Variants in CHCHD3 observed in about 807,000 individuals in gnomAD.
CHCHD3 encodes the protein MICOS complex subunit MIC19.
In CHCHD3, 20 loss-of-function variants were observed where a neutral mutation model predicts 38.2. That is an observed-to-expected ratio of 0.52 (90% CI 0.37 to 0.76). CHCHD3 has a LOEUF of 0.76. CHCHD3 is among the 30% of genes least tolerant of loss of function. CHCHD3 has a pLI of 0.00. For missense variants in CHCHD3, 245 were observed against 279.2 expected, an observed-to-expected ratio of 0.88 and a Z score of 0.87; for synonymous variants, 82 against 100.0, an observed-to-expected ratio of 0.82 and a Z score of 1.07.
At chr7:132,966,000 G>C (rs1811455460) in intron 4 of CHCHD3, among the ~76,000 whole-genome samples, 1 of 152,146 alleles carries the variant, frequency 6.6e-6, no homozygotes, top group Non-Finnish European at 1.5e-5. Flanking sequence ...TAAATTATTG[G>C]TGCTGATCAT....
chr7:132,981,488 C>T (rs1317532282), intron 3 of CHCHD3, among the ~76,000 whole-genome samples: 1 of 152,186 alleles, frequency 6.6e-6, no homozygotes, highest in African/African-American at 2.4e-5. Flanking sequence ...TTAAATCTTA[C>T]ATTATTCACG....
intron 2 of CHCHD3, among the ~76,000 whole-genome samples, chr7:133,030,560 A>G (rs1813473693): frequency 6.6e-6 from 1 of 152,248 alleles, no homozygotes. Flanking sequence ...TTCAAGCAAT[A>G]TAAATCCCAT....
intron 3 of CHCHD3, among the ~76,000 whole-genome samples, chr7:133,007,954 A>C (rs1188608863): frequency 1.3e-5 from 2 of 152,248 alleles, no homozygotes; most frequent in African/African-American, 4.8e-5. Context: ...CATTTACAGG[A>C]TAACCTTTCC....
At chr7:132,951,340 G>A (rs935441405) in intron 4 of CHCHD3, among the ~76,000 whole-genome samples, 3 of 152,174 alleles carry the variant, frequency 2.0e-5, no homozygotes, top group African/African-American at 7.2e-5. Context: ...AGGGGTGCAA[G>A]GAGAAGGGAA....
intron 6 of CHCHD3, among the ~76,000 whole-genome samples, chr7:132,823,740 T>A (rs1807439930): frequency 6.6e-6 from 1 of 152,194 alleles, no homozygotes; most frequent in African/African-American, 2.4e-5. Context: ...AAATTAGACA[T>A]CCAGATAAAA....
intron 4 of CHCHD3, among the ~76,000 whole-genome samples, chr7:132,916,043 C>G (rs959410062): frequency 1.3e-5 from 2 of 151,364 alleles, no homozygotes; most frequent in Admixed American, 6.6e-5. Flanking sequence ...GTTCAGCAAA[C>G]GACTATGCCT....
chr7:132,910,803 A>G (rs1809928194), intron 4 of CHCHD3, among the ~76,000 whole-genome samples: 1 of 152,198 alleles, frequency 6.6e-6, no homozygotes, highest in African/African-American at 2.4e-5. Flanking sequence ...TTGCTCAGCC[A>G]GCACTGTCTT....
intron 5 of CHCHD3, among the ~76,000 whole-genome samples, chr7:132,879,925 A>G (rs1355353247): frequency 6.6e-6 from 1 of 152,096 alleles, no homozygotes; most frequent in Non-Finnish European, 1.5e-5. Context: ...TCTTAGGGGT[A>G]TCATGCTGTA....
At chr7:132,931,451 GA>G (rs1424007119) in intron 4 of CHCHD3, among the ~76,000 whole-genome samples, 2 of 152,172 alleles carry the variant, frequency 1.3e-5, no homozygotes, top group African/African-American at 2.4e-5. Flanking sequence ...ACAAAAACAT[GA>G]AAGTGGTTTG....
intron 3 of CHCHD3, among the ~76,000 whole-genome samples, chr7:133,001,316 A>G (rs1048914282): frequency 1.3e-5 from 2 of 152,154 alleles, no homozygotes; most frequent in African/African-American, 4.8e-5. Context: ...AGCCAAACAC[A>G]ATGTTATCCC....
chr7:133,035,965 T>C lies in CHCHD3; in HGVS notation c.170-11338A>G, dbSNP rs1348901488. 7.4e-7 allele frequency: 1 copy of C among 1,354,094 alleles called. No individual in the cohort carries two copies. The highest frequency in any genetic ancestry group is 1.2e-5 in the South Asian group (1 of 81,680). 83.9% of individuals were successfully genotyped at this position (1,354,094 alleles called of 1,614,324 possible). A position where few individuals can be genotyped will look rare whatever the true frequency, so the allele number is the denominator to read the frequency against. ...GCTGGATCCAGTCTTAAAAGTGTTA[T>C]CAGGTAGGGGTCCTTAGGGGAACTG... is the stretch of plus-strand genomic sequence containing the variant. On this transcript the variant is annotated intron_variant, in intron 2 of 7. Coordinates refer to ENST00000262570, the MANE Select transcript of CHCHD3 (RefSeq NM_017812.4). This position sits in a 1 kb window ranked among gnomAD's most constrained non-coding sequence, Gnocchi z 4.7.
intron 2 of CHCHD3, among the ~76,000 whole-genome samples, chr7:133,058,433 T>C (rs984635634): frequency 3.9e-5 from 6 of 152,118 alleles, no homozygotes; most frequent in Non-Finnish European, 8.8e-5. Flanking sequence ...GGAAATGAAT[T>C]GAGGGCTGCC....
rs529448640 is a variant in CHCHD3, at chr7:133,023,746, A to G, written c.251+800T>C. Among the ~76,000 whole-genome samples the G allele has an allele frequency of 2.0e-5, 3 of 152,346 alleles. No homozygotes were observed. In the East Asian group the frequency reaches 5.8e-4, roughly 29 times the overall value. On this transcript the variant is annotated intron_variant, in intron 3 of 7. Transcript: ENST00000262570. Reference sequence around the variant, plus strand: ...AGTATTTAAAAAAAATGCTTTTTTAAAATCCTTTCATGGTGTTTTTTTCAG... The same window carrying G: ...AGTATTTAAAAAAAATGCTTTTTTAGAATCCTTTCATGGTGTTTTTTTCAG...
intron 6 of CHCHD3, among the ~76,000 whole-genome samples, chr7:132,799,007 CTGTGTGTGTGTG>C (rs58508838): frequency 0.082 from 11,884 of 145,532 alleles, 537 homozygotes; most frequent in African/African-American, 0.12. Context: ...GTGATCTGTT[CTGTGTGTGTGTG>C]TGTGTGTGTG....
At chr7:133,006,413 G>C (rs1812700744) in intron 3 of CHCHD3, among the ~76,000 whole-genome samples, 1 of 152,050 alleles carries the variant, frequency 6.6e-6, no homozygotes, top group South Asian at 2.1e-4. Flanking sequence ...GTTGCAGTGA[G>C]CTGAGATCGC....
intron 3 of CHCHD3, among the ~76,000 whole-genome samples, chr7:132,992,831 T>C (rs1812319097): frequency 6.6e-6 from 1 of 152,232 alleles, no homozygotes; most frequent in African/African-American, 2.4e-5. Context: ...TCATTAACAA[T>C]TCTTACATTA....
intron 3 of CHCHD3, among the ~76,000 whole-genome samples, chr7:132,988,534 T>A (rs1458149105): frequency 1.3e-5 from 2 of 152,200 alleles, no homozygotes; most frequent in African/African-American, 4.8e-5. Context: ...ATATTTTACA[T>A]AATGGTAATT....
In CHCHD3 at chr7:132,914,121, G is replaced by GGTGTGT. The variant is rs1234351482; in HGVS notation, c.370-28377_370-28376insACACAC. Among the ~76,000 whole-genome samples, 538 of 114,008 alleles carry GGTGTGT rather than the reference G, an allele frequency of 4.7e-3. 7 individuals carry two copies. Among genetic ancestry groups the GGTGTGT allele is most frequent in the African/African-American group, 0.018 (504 of 28,296 alleles). The allele number at this position is 114,008 out of a possible 152,430, so 74.8% of individuals were successfully genotyped here. On this transcript the variant is annotated intron_variant, in intron 4 of 7. Coordinates refer to ENST00000262570, the MANE Select transcript of CHCHD3 (RefSeq NM_017812.4). ...ATTACAGATGCCCACCACCATGCCT[G>GGTGTGT]GCGTGTGTGTGTGTGTGTGTGTGTG...
At chr7:132,840,230 A>G (rs1322117776) in intron 5 of CHCHD3, among the ~76,000 whole-genome samples, 3 of 152,216 alleles carry the variant, frequency 2.0e-5, no homozygotes, top group African/African-American at 7.2e-5. Flanking sequence ...GCTCTTTTGC[A>G]ATGTTTGGTG....
Sources: allele counts gnomAD v4.1 joint callset (sites outside exome capture counted in the v4.1 genomes callset), GRCh38; gene constraint gnomAD v4.1.1; non-coding constraint Gnocchi (gnomAD v3.1); transcripts MANE v1.5; gene names NCBI Gene and HGNC (gene_info 2026-07-23, HGNC 2026-07-21).